AKNAD1: variants seen among roughly 807,000 people sequenced by gnomAD.
The protein encoded by AKNAD1 is protein AKNAD1.
AKNAD1 carries 67 observed loss-of-function variants against 90.8 expected under a neutral mutation model. The ratio of observed to expected loss-of-function variants is 0.74; its 90% confidence interval spans 0.61 to 0.90. The LOEUF is 0.90. Among genes scored for constraint, AKNAD1 ranks in the 40% least tolerant of loss-of-function variants. AKNAD1 has a pLI of 0.00. For missense variants in AKNAD1, 957 were observed against 975.4 expected (o/e 0.98, Z 0.25); for synonymous variants, 327 against 341.4 (o/e 0.96, Z 0.46).
chr1:108,822,058 A>G (rs1160748950), intron 13 of AKNAD1, among the ~76,000 whole-genome samples: 1 of 152,130 alleles, frequency 6.6e-6, no homozygotes, highest in Non-Finnish European at 1.5e-5. Flanking sequence ...GGCATGATGA[A>G]GAGGCACTAA....
At chr1:108,837,486 A>C in intron 7 of AKNAD1, 64 bp downstream of exon 7, 2 of 1,443,054 alleles carry the variant, frequency 1.4e-6, no homozygotes, top group Non-Finnish European at 1.9e-6. Context: ...ATGAATTAGG[A>C]GTCTATAAAT....
rs1169459045 is a variant in AKNAD1 at position 108,849,570 on chromosome 1, G to T, written c.1000C>A (p.Pro334Thr). The change falls in exon 3 of 16, where the codon CCC (proline) becomes ACC (threonine). Residue 334 changes from proline to threonine, a missense_variant. Physicochemically the swap from Pro to Thr is conservative, Grantham distance 38. Transcript: ENST00000370001. ...TEPSQQIQME[P>T]IVHIHQELLT... Reference sequence around the variant, plus strand: ...AGTTCTTGGTGGATATGTACTATGGGCTCCATCTGCACAATTAAAGGGTAA... The same window carrying T: ...AGTTCTTGGTGGATATGTACTATGGTCTCCATCTGCACAATTAAAGGGTAA... 1.3e-6 allele frequency: 2 copies of T among 1,595,706 alleles called. No homozygotes were observed.
In AKNAD1 at chr1:108,830,629, T is replaced by C. The variant is rs1279437553; in HGVS notation, c.1768A>G (p.Arg590Gly). The C allele has an allele frequency of 6.2e-7, 1 of 1,614,152 alleles. No individual in the cohort carries two copies. Among genetic ancestry groups the C allele is most frequent in the South Asian group, 1.1e-5 (1 of 91,090 alleles). Reference protein sequence around the residue: ...NSGEDPNGTPRRQDCAEMTAP... With the variant: ...NSGEDPNGTPGRQDCAEMTAP... ...GTCATCTCTGCACAATCCTGCCTTC[T>C]TGGAGTGCCGTTGGGATCCTCCTGC... The change falls in exon 10 of 16, where the codon AGA (arginine) becomes GGA (glycine). Residue 590 changes from arginine to glycine, a missense_variant. Arg to Gly is a moderately radical substitution (Grantham distance 125, BLOSUM62 -2). Transcript: ENST00000370001.
chr1:108,853,420 C>T (rs1331011575), intron 1 of AKNAD1, among the ~76,000 whole-genome samples: 5 of 151,722 alleles, frequency 3.3e-5, no homozygotes, highest in Non-Finnish European at 5.9e-5. Context: ...CGTGAGCCAC[C>T]GCGCCCGGCC....
chr1:108,836,353 G>A (rs566044319), intron 7 of AKNAD1, among the ~76,000 whole-genome samples: 2 of 152,164 alleles, frequency 1.3e-5, no homozygotes, highest in South Asian at 2.1e-4. Context: ...ATGAAGCATC[G>A]ACTCTCCTGG....
At chr1:108,819,381 G>A (rs1242069560) in intron 14 of AKNAD1, among the ~76,000 whole-genome samples, 1 of 151,850 alleles carries the variant, frequency 6.6e-6, no homozygotes, top group Non-Finnish European at 1.5e-5. Flanking sequence ...TGCTTTGGGT[G>A]ACTGAGGTAG....
rs1230705106 is a variant in AKNAD1 at position 108,823,565 on chromosome 1, C to T, written c.2059+1G>A. 1 of 1,613,864 alleles carries T rather than the reference C, an allele frequency of 6.2e-7. No homozygotes were observed. Among genetic ancestry groups the T allele is most frequent in the African/African-American group, 1.3e-5 (1 of 74,870 alleles). On this transcript the variant is annotated splice_donor_variant, in intron 12 of 15. Transcript: ENST00000370001. LOFTEE classifies it high-confidence loss of function. ...TTTCTGAGGCCCCAGGTGAGTGTTA[C>T]CTTTAGTTGGTTCTTTCCTGCAGGC...
intron 10 of AKNAD1, among the ~76,000 whole-genome samples, chr1:108,829,722 A>C (rs1664123625): frequency 6.6e-6 from 1 of 152,074 alleles, no homozygotes; most frequent in Non-Finnish European, 1.5e-5. Context: ...AGTCTTTCAG[A>C]CCCTGTCATC....
chr1:108,851,778 G>T lies in AKNAD1; in HGVS notation c.887C>A (p.Pro296His). Residue 296 changes from proline (P) to histidine (H), a missense_variant, in exon 2 of 16, where the codon CCC (proline) becomes CAC (histidine). Transcript: ENST00000370001. ...TTCTAGACTATCTTGCACAAGAGTG[G>T]GTTTATCTCTCGACTTGGAAGAAAA... ...ASFSSKSRDK[P>H]TLVQDSLETT... 1 of 1,614,026 alleles carries T rather than the reference G, an allele frequency of 6.2e-7. No individual in the cohort carries two copies. Among genetic ancestry groups the T allele is most frequent in the Non-Finnish European group, 8.5e-7 (1 of 1,179,938 alleles).
rs771699342 is a variant in AKNAD1, at chr1:108,849,532, AG to A, written c.1033+4del. ...TATCTCAAAGAAGTTTTAAAACATT[AG>A]TACCTGTGAGAAGTTCTTGGTGGAT... On this transcript the variant is annotated splice_donor_region_variant and intron_variant, in intron 3 of 15. Coordinates refer to ENST00000370001, the MANE Select transcript of AKNAD1 (RefSeq NM_152763.5). 5.1e-6 allele frequency: 8 copies of A among 1,559,860 alleles called. No individual in the cohort carries two copies. In the East Asian group the frequency reaches 1.6e-4, roughly 31 times the overall value.
chr1:108,817,017 A>G (rs769688334), intron 15 of AKNAD1, 31 bp downstream of exon 15: 9 of 1,612,004 alleles, frequency 5.6e-6, no homozygotes, highest in African/African-American at 1.3e-5. Context: ...ACGAGCTGCA[A>G]TGCTTCTCGA....
intron 5 of AKNAD1, among the ~76,000 whole-genome samples, chr1:108,846,440 CT>C (rs1191448316): frequency 6.6e-6 from 1 of 152,192 alleles, no homozygotes; most frequent in African/African-American, 2.4e-5. Flanking sequence ...TTCTGGAGAT[CT>C]TGCTTATCGT....
At position 108,851,790 on chromosome 1, in the gene AKNAD1, G is replaced by A. The variant is rs138466584; in HGVS notation, c.875C>T (p.Ser292Leu). The stretch of plus-strand genomic sequence containing the variant: ...TTGCACAAGAGTGGGTTTATCTCTC[G>A]ACTTGGAAGAAAAGCTGGCTTGTTT... ...IAKQASFSSK[S>L]RDKPTLVQDS... The change falls in exon 2 of 16, where the codon TCG (serine) becomes TTG (leucine). Residue 292 changes from serine (S) to leucine (L), a missense_variant. Coordinates refer to ENST00000370001, the MANE Select transcript of AKNAD1 (RefSeq NM_152763.5). 195 of 1,614,098 alleles carry A rather than the reference G, an allele frequency of 1.2e-4. No homozygotes were observed. The East Asian group carries it at 2.3e-3, about 19-fold the overall frequency.
intron 1 of AKNAD1, among the ~76,000 whole-genome samples, chr1:108,855,767 C>T (rs1038636390): frequency 6.6e-6 from 1 of 151,346 alleles, no homozygotes; most frequent in African/African-American, 2.4e-5. Flanking sequence ...GCCTGAGCAA[C>T]AGCAAGACTC....
chr1:108,826,723 T>C (rs1349228428), intron 11 of AKNAD1, among the ~76,000 whole-genome samples: 2 of 141,950 alleles, frequency 1.4e-5, no homozygotes, highest in Admixed American at 1.5e-4. Flanking sequence ...TGATTCTTTT[T>C]TTCTTTTCTT....
chr1:108,816,529 C>T (rs948440894), intron 15 of AKNAD1, among the ~76,000 whole-genome samples: 4 of 151,998 alleles, frequency 2.6e-5, no homozygotes, highest in African/African-American at 4.8e-5. Context: ...GACTGATGAG[C>T]ATGAATCAGA....
At chr1:108,845,379 T>A (rs981321062) in intron 5 of AKNAD1, among the ~76,000 whole-genome samples, 1 of 152,174 alleles carries the variant, frequency 6.6e-6, no homozygotes, top group Non-Finnish European at 1.5e-5. Flanking sequence ...TGTGCCGTCA[T>A]GGAGTTGACT....
At chr1:108,831,494 C>T (rs917129782) in intron 9 of AKNAD1, among the ~76,000 whole-genome samples, 3 of 152,194 alleles carry the variant, frequency 2.0e-5, no homozygotes, top group African/African-American at 7.2e-5. Context: ...ACCACACCTT[C>T]CTCTGCATCA....
Position 108,852,169 on chromosome 1 carries a change from G to C in AKNAD1, c.496C>G (p.Pro166Ala). Residue 166 changes from proline to alanine, a missense_variant, in exon 2 of 16, where the codon CCA becomes GCA. Coordinates refer to ENST00000370001, the MANE Select transcript of AKNAD1 (RefSeq NM_152763.5). ...NKNSWPKEQT[P>A]ELTDQLNPKR... ...GGGTTGAGTTGGTCAGTGAGTTCTG[G>C]GGTTTGTTCTTTTGGCCAAGAATTC... The C allele has an allele frequency of 6.2e-7, 1 of 1,613,900 alleles. No homozygotes were observed. Among genetic ancestry groups the C allele is most frequent in the Non-Finnish European group, 8.5e-7 (1 of 1,180,008 alleles).
Sources: gnomAD v4.1 joint callset for allele counts (sites outside exome capture counted in the v4.1 genomes callset) on GRCh38, gnomAD v4.1.1 for gene constraint, MANE v1.5 for transcripts, NCBI Gene and HGNC (gene_info 2026-07-23, HGNC 2026-07-21) for gene names.